The following NDST3 variants were observed in gnomAD, a reference collection of about 807,000 sequenced individuals.
NDST3 encodes bifunctional heparan sulfate N-deacetylase/N-sulfotransferase 3.
Under a neutral mutation model 96.1 loss-of-function variants are expected in NDST3, and 58 were observed. The observed-to-expected ratio is 0.60, with a 90% confidence interval of 0.49 to 0.75. The LOEUF (loss-of-function observed/expected upper bound fraction) is 0.75. Ranked by LOEUF, NDST3 falls within the 30% of genes least tolerant of loss-of-function variation. The pLI is 0.00. For synonymous variants in NDST3, 333 were observed against 359.7 expected, an observed-to-expected ratio of 0.93 and a Z score of 0.84; for missense variants, 788 against 1,034.2, an observed-to-expected ratio of 0.76 and a Z score of 3.27.
intron 4 of NDST3, among the ~76,000 whole-genome samples, chr4:118,137,505 ATCAAAAGTGTGTGCTTC>A (rs1315802917): frequency 2.0e-5 from 3 of 152,170 alleles, no homozygotes; most frequent in Non-Finnish European, 4.4e-5. Flanking sequence ...ACATTATCCA[ATCAAAAGTGTGTGCTTC>A]TCCTAAGGCA....
At chr4:118,139,210 C>T (rs1181428287) in intron 5 of NDST3, among the ~76,000 whole-genome samples, 1 of 152,192 alleles carries the variant, frequency 6.6e-6, no homozygotes, top group Non-Finnish European at 1.5e-5. Context: ...TCTGCCCTTC[C>T]TCTGTACTGA....
intron 5 of NDST3, among the ~76,000 whole-genome samples, chr4:118,141,869 A>G (rs1181507926): frequency 6.6e-6 from 1 of 152,150 alleles, no homozygotes; most frequent in African/African-American, 2.4e-5. Context: ...GTATTCTAGC[A>G]TAAAACTAAC....
intron 4 of NDST3, among the ~76,000 whole-genome samples, chr4:118,115,994 T>C (rs1002894580): frequency 3.9e-5 from 6 of 152,102 alleles, no homozygotes; most frequent in Non-Finnish European, 7.4e-5. Context: ...TGCTCCTCCA[T>C]GCTGATACTG....
chr4:118,092,006 A>G (rs1018746381), intron 2 of NDST3, among the ~76,000 whole-genome samples: 1 of 151,328 alleles, frequency 6.6e-6, no homozygotes, highest in Admixed American at 6.6e-5. Flanking sequence ...GGCATTAAAT[A>G]TTATGTAGTC....
intron 7 of NDST3, 82 bp downstream of exon 7, chr4:118,224,755 G>A: frequency 1.6e-6 from 2 of 1,275,680 alleles, no homozygotes; most frequent in African/African-American, 1.5e-5. Flanking sequence ...GAAAAGTGAA[G>A]GCACCTGAAA....
At chr4:118,142,826 C>A (rs187896414) in intron 5 of NDST3, among the ~76,000 whole-genome samples, 1 of 152,250 alleles carries the variant, frequency 6.6e-6, no homozygotes, top group East Asian at 1.9e-4. Context: ...AAAACCTTAT[C>A]ACGAGTGTAT....
chr4:118,198,181 C>T (rs1737825771), intron 6 of NDST3, among the ~76,000 whole-genome samples: 1 of 152,114 alleles, frequency 6.6e-6, no homozygotes, highest in Non-Finnish European at 1.5e-5. Context: ...TAAGTAAGGA[C>T]TTACCCCTGC....
intron 3 of NDST3, among the ~76,000 whole-genome samples, chr4:118,112,752 A>G (rs1283636431): frequency 6.6e-6 from 1 of 152,172 alleles, no homozygotes; most frequent in Non-Finnish European, 1.5e-5. Flanking sequence ...AGAACCTGCT[A>G]TGGTTGGGAT....
intron 2 of NDST3, among the ~76,000 whole-genome samples, chr4:118,079,990 A>G (rs554194996): frequency 1.3e-5 from 2 of 152,192 alleles, no homozygotes; most frequent in Non-Finnish European, 2.9e-5. Context: ...CCTAGAGAAG[A>G]GACTGTACTG....
intron 8 of NDST3, among the ~76,000 whole-genome samples, chr4:118,232,433 T>C (rs1578850389): frequency 6.6e-6 from 1 of 151,894 alleles, no homozygotes; most frequent in East Asian, 1.9e-4. Flanking sequence ...TGTTCAAGAC[T>C]AGCCTGAGCA....
chr4:118,249,006 G>C (rs1741488732), intron 12 of NDST3, among the ~76,000 whole-genome samples: 1 of 152,116 alleles, frequency 6.6e-6, no homozygotes, highest in Non-Finnish European at 1.5e-5. Flanking sequence ...ATGAGGGTAT[G>C]CACACAGATG....
intron 6 of NDST3, among the ~76,000 whole-genome samples, chr4:118,191,717 A>G (rs1737319202): frequency 6.6e-6 from 1 of 152,222 alleles, no homozygotes; most frequent in African/African-American, 2.4e-5. Context: ...AAACAATTCA[A>G]TTATGCTCTT....
At chr4:118,062,314 T>C (rs900909118) in intron 2 of NDST3, among the ~76,000 whole-genome samples, 1 of 152,126 alleles carries the variant, frequency 6.6e-6, no homozygotes, top group African/African-American at 2.4e-5. Context: ...TATATATCCA[T>C]TGCTGCTCAC....
intron 3 of NDST3, 63 bp downstream of exon 3, chr4:118,105,168 C>T: frequency 7.9e-7 from 1 of 1,257,978 alleles, no homozygotes; most frequent in East Asian, 2.3e-5. Context: ...TAAAATTGCA[C>T]ACTTTTCCTG....
At chr4:118,199,115 T>C (rs1265813794) in intron 6 of NDST3, among the ~76,000 whole-genome samples, 1 of 152,200 alleles carries the variant, frequency 6.6e-6, no homozygotes. Flanking sequence ...GGAAGCTCTC[T>C]GTTATTATCC....
chr4:118,039,335 T>A (rs1396215735), intron 1 of NDST3, among the ~76,000 whole-genome samples: 1 of 152,218 alleles, frequency 6.6e-6, no homozygotes, highest in Non-Finnish European at 1.5e-5. Context: ...TAGCTGTTCA[T>A]AGAAGATGGT....
intron 6 of NDST3, among the ~76,000 whole-genome samples, chr4:118,190,168 A>G (rs943636744): frequency 2.6e-5 from 4 of 152,074 alleles, no homozygotes; most frequent in African/African-American, 9.7e-5. Context: ...TAATTTAACT[A>G]TTAGAACCCT....
At chr4:118,250,921 T>G (rs1741666113) in intron 12 of NDST3, among the ~76,000 whole-genome samples, 1 of 151,776 alleles carries the variant, frequency 6.6e-6, no homozygotes, top group Non-Finnish European at 1.5e-5. Context: ...TTCATTTTCT[T>G]GTGTCTTTAT....
chr4:118,116,126 A>G (rs1731072720), intron 4 of NDST3, among the ~76,000 whole-genome samples: 1 of 152,242 alleles, frequency 6.6e-6, no homozygotes, highest in Non-Finnish European at 1.5e-5. Context: ...AATTTGTAAT[A>G]GAAAGTGCTA....
Sources: gnomAD v4.1 joint callset for allele counts (sites outside exome capture counted in the v4.1 genomes callset) on GRCh38, gnomAD v4.1.1 for gene constraint, MANE v1.5 for transcripts, NCBI Gene and HGNC (gene_info 2026-07-23, HGNC 2026-07-21) for gene names.